DNAJC1: variants seen among roughly 807,000 people sequenced by gnomAD.
DNAJC1 encodes the protein dnaJ homolog subfamily C member 1.
Under a neutral mutation model 76.6 loss-of-function variants are expected in DNAJC1, and 58 were observed. That is an observed-to-expected ratio of 0.76 (90% confidence interval 0.61 to 0.94). The LOEUF (loss-of-function observed/expected upper bound fraction) is 0.94. DNAJC1 is among the 40% of genes least tolerant of loss of function. The pLI, the probability that DNAJC1 is intolerant of heterozygous loss-of-function variation, is 0.00. For missense variants in DNAJC1, 689 were observed against 677.3 expected (o/e 1.02, Z -0.19); for synonymous variants, 258 against 267.9 (o/e 0.96, Z 0.36).
At chr10:21,912,785 TTC>T (rs1181347040) in intron 6 of DNAJC1, among the ~76,000 whole-genome samples, 1 of 151,718 alleles carries the variant, frequency 6.6e-6, no homozygotes, top group African/African-American at 2.4e-5. Context: ...GCTGTGAATG[TTC>T]TGTTTGTTTG....
rs11427152 is a variant in DNAJC1, at chr10:21,967,014, CTT to C, written c.222+36197_222+36198del. ...TGCCCACCTTTTTCTTCTTCTTCTT[CTT>C]TTTTTTTTTTTTTTACAGTATCTCT... On this transcript the variant is annotated intron_variant, in intron 1 of 11. Transcript: ENST00000376980. Among the ~76,000 whole-genome samples, 1,084 of 138,740 alleles carry C rather than the reference CTT, an allele frequency of 7.8e-3. 14 individuals are homozygous for C. The highest frequency in any genetic ancestry group is 0.026 in the African/African-American group (1,001 of 37,830). The allele number at this position is 138,740 out of a possible 152,430, so 91.0% of individuals were successfully genotyped here.
At chr10:21,903,918 G>A (rs568180079) in intron 7 of DNAJC1, among the ~76,000 whole-genome samples, 47 of 152,304 alleles carry the variant, frequency 3.1e-4, no homozygotes, top group African/African-American at 9.4e-4. Flanking sequence ...CAGTATATAT[G>A]TGTGGGAGCC....
At chr10:21,876,045 CAA>C (rs1836182479) in intron 8 of DNAJC1, among the ~76,000 whole-genome samples, 1 of 150,234 alleles carries the variant, frequency 6.7e-6, no homozygotes, top group African/African-American at 2.4e-5. Context: ...CATCTAAAAA[CAA>C]AAAATAAATG....
intron 1 of DNAJC1, among the ~76,000 whole-genome samples, chr10:21,940,460 C>T (rs1233801851): frequency 6.6e-6 from 1 of 152,098 alleles, no homozygotes; most frequent in Admixed American, 6.5e-5. Flanking sequence ...ATACCAAATC[C>T]TGGTTGCTGA....
At chr10:21,862,277 G>A (rs1167892751) in intron 8 of DNAJC1, among the ~76,000 whole-genome samples, 1 of 151,940 alleles carries the variant, frequency 6.6e-6, no homozygotes, top group East Asian at 1.9e-4. Context: ...TGAATTCTTT[G>A]TTGTGTGAGA....
chr10:21,971,601 T>C (rs570272309), intron 1 of DNAJC1, among the ~76,000 whole-genome samples: 10 of 151,838 alleles, frequency 6.6e-5, no homozygotes, highest in African/African-American at 2.4e-4. Context: ...TGCTGTACTT[T>C]AAAAAAATAA....
Position 21,888,112 on chromosome 10 carries a change from C to A in DNAJC1, c.821-5673G>T, listed in dbSNP as rs1196818396. 2.0e-5 allele frequency among the ~76,000 whole-genome samples: 3 copies of A among 152,068 alleles called. No individual in the cohort carries two copies. The East Asian group carries it at 5.8e-4, about 29-fold the overall frequency. On this transcript the variant is annotated intron_variant, in intron 7 of 11. Coordinates refer to ENST00000376980, the MANE Select transcript of DNAJC1 (RefSeq NM_022365.4). ...CACTTTTCAAAAGAAGACATCCATG[C>A]AGCCAATAAGCACATGAAAAAAAGC...
At chr10:21,808,460 T>C (rs140406551) in intron 8 of DNAJC1, among the ~76,000 whole-genome samples, 39 of 152,236 alleles carry the variant, frequency 2.6e-4, no homozygotes, top group African/African-American at 9.4e-4. Flanking sequence ...TTAAGTTTCA[T>C]AGTTATTTTA....
chr10:21,759,294 C>A lies in DNAJC1; in HGVS notation c.1472G>T (p.Arg491Leu). Reference protein sequence around the residue: ...DEESLRKERARSAEEPWTQNQ... With the variant: ...DEESLRKERALSAEEPWTQNQ... ...TTGAGTCCACGGCTCCTCTGCAGAC[C>A]GAGCTCTCTCTTTTCTCAGGCTCTC... The change falls in exon 11 of 12, where the codon CGG (arginine) becomes CTG (leucine). Residue 491 changes from arginine (R) to leucine (L), a missense_variant. Arg to Leu is a moderately radical substitution (Grantham distance 102). Transcript: ENST00000376980. 1 of 1,614,234 alleles carries A rather than the reference C, an allele frequency of 6.2e-7. No individual in the cohort carries two copies. Among genetic ancestry groups the A allele is most frequent in the Non-Finnish European group, 8.5e-7 (1 of 1,180,046 alleles).
At chr10:22,002,759 G>A (rs1838541244) in intron 1 of DNAJC1, among the ~76,000 whole-genome samples, 1 of 152,100 alleles carries the variant, frequency 6.6e-6, no homozygotes, top group Non-Finnish European at 1.5e-5. Flanking sequence ...TAAGAATAAG[G>A]ATGAGGTAAG....
chr10:21,874,785 TTC>T (rs1258744501), intron 8 of DNAJC1, among the ~76,000 whole-genome samples: 1 of 152,240 alleles, frequency 6.6e-6, no homozygotes, highest in Non-Finnish European at 1.5e-5. Flanking sequence ...GAATTTTATG[TTC>T]TGTCAAGTAC....
intron 8 of DNAJC1, among the ~76,000 whole-genome samples, 160 bp downstream of exon 8, chr10:21,882,122 C>T (rs894474271): frequency 4.6e-5 from 7 of 152,268 alleles, no homozygotes; most frequent in African/African-American, 1.7e-4. Flanking sequence ...CCACTGCACT[C>T]CAGCCTGGGT....
chr10:21,985,270 A>C (rs1489601399), intron 1 of DNAJC1, among the ~76,000 whole-genome samples: 1 of 146,588 alleles, frequency 6.8e-6, no homozygotes, highest in Non-Finnish European at 1.5e-5. Context: ...TTTTTTTTGA[A>C]ATGGAGTCTC....
At chr10:21,893,828 A>G (rs1319507268) in intron 7 of DNAJC1, among the ~76,000 whole-genome samples, 2 of 151,916 alleles carry the variant, frequency 1.3e-5, no homozygotes, top group African/African-American at 4.8e-5. Context: ...TAAAAATAAG[A>G]GCAGAAATCA....
At chr10:21,837,729 G>T (rs369820990) in intron 8 of DNAJC1, among the ~76,000 whole-genome samples, 5 of 149,732 alleles carry the variant, frequency 3.3e-5, no homozygotes, top group Middle Eastern at 3.5e-3. Context: ...CGCCCCGTCC[G>T]GGAAGTGAGG....
At chr10:21,799,651 G>T (rs1050252302) in intron 9 of DNAJC1, among the ~76,000 whole-genome samples, 1 of 151,730 alleles carries the variant, frequency 6.6e-6, no homozygotes, top group Admixed American at 6.6e-5. Flanking sequence ...CAAGTTCTCA[G>T]CCATACTATC....
chr10:21,934,610 G>C (rs1320415115), intron 1 of DNAJC1, among the ~76,000 whole-genome samples: 1 of 152,060 alleles, frequency 6.6e-6, no homozygotes, highest in Non-Finnish European at 1.5e-5. Context: ...AATATGTTTA[G>C]ATACACAAAT....
chr10:21,813,170 C>T (rs1564794712), intron 8 of DNAJC1, among the ~76,000 whole-genome samples: 5 of 63,500 alleles, frequency 7.9e-5, no homozygotes, highest in Non-Finnish European at 1.4e-4. Flanking sequence ...CTCTCTCTCT[C>T]TCTCCCTCTC....
chr10:21,861,938 G>A (rs2131699304), intron 8 of DNAJC1, among the ~76,000 whole-genome samples: 1 of 151,868 alleles, frequency 6.6e-6, no homozygotes, highest in Admixed American at 6.6e-5. Flanking sequence ...TTTATTTTGA[G>A]ATGGAGTTTC....
Sources: gnomAD v4.1 joint callset for allele counts (sites outside exome capture counted in the v4.1 genomes callset) on GRCh38, gnomAD v4.1.1 for gene constraint, MANE v1.5 for transcripts, NCBI Gene and HGNC (gene_info 2026-07-23, HGNC 2026-07-21) for gene names.